PCDH15: variants seen among roughly 807,000 people sequenced by gnomAD.
PCDH15 encodes the protein protocadherin related 15, also known as protocadherin-15.
PCDH15 carries 129 observed loss-of-function variants against 178.5 expected under a neutral mutation model. The ratio of observed to expected loss-of-function variants is 0.72; its 90% CI spans 0.63 to 0.84. The LOEUF (loss-of-function observed/expected upper bound fraction) is 0.84, where lower values mean the gene tolerates loss of function less well. PCDH15 is among the 40% of genes least tolerant of loss of function. The pLI, the probability that PCDH15 is intolerant of heterozygous loss-of-function variation, is 0.00. For synonymous variants in PCDH15, 800 were observed against 732.0 expected (o/e 1.09, Z -1.50); for missense variants, 2,230 against 2,099.9 (o/e 1.06, Z -1.21).
At chr10:54,862,132 C>T (rs117917923) in intron 3 of PCDH15, among the ~76,000 whole-genome samples, 2,890 of 152,196 alleles carry the variant, frequency 0.019, 39 homozygotes, top group Non-Finnish European at 0.029. Flanking sequence ...CATAGTAATA[C>T]ATCTATATAC....
At chr10:54,268,592 G>T (rs539251274) in intron 8 of PCDH15, among the ~76,000 whole-genome samples, 1 of 151,986 alleles carries the variant, frequency 6.6e-6, no homozygotes, top group African/African-American at 2.4e-5. Flanking sequence ...AAGAAAGAAT[G>T]AAATCCTTTC....
intron 13 of PCDH15, among the ~76,000 whole-genome samples, chr10:54,176,624 T>C (rs1489853045): frequency 2.6e-5 from 4 of 152,184 alleles, no homozygotes; most frequent in Non-Finnish European, 4.4e-5. Flanking sequence ...TCCTTGACTG[T>C]ATGTGTGGAG....
At chr10:54,480,591 C>T (rs2078647065) in intron 3 of PCDH15, among the ~76,000 whole-genome samples, 1 of 152,010 alleles carries the variant, frequency 6.6e-6, no homozygotes, top group Admixed American at 6.6e-5. Flanking sequence ...CATTTGACAA[C>T]TATCAACCTT....
At chr10:55,356,815 T>C (rs1845092462) in intron 2 of PCDH15, among the ~76,000 whole-genome samples, 1 of 151,972 alleles carries the variant, frequency 6.6e-6, no homozygotes, top group African/African-American at 2.4e-5. Flanking sequence ...ATTACATCAT[T>C]TGTAGTAGAA....
At chr10:54,272,868 C>T (rs945898475) in intron 8 of PCDH15, among the ~76,000 whole-genome samples, 5 of 151,858 alleles carry the variant, frequency 3.3e-5, no homozygotes, top group East Asian at 1.9e-4. Context: ...AAAATGTTAA[C>T]GAAAAGTGTT....
intron 2 of PCDH15, among the ~76,000 whole-genome samples, chr10:55,140,271 A>C (rs1564831280): frequency 1.3e-5 from 2 of 151,946 alleles, no homozygotes; most frequent in Non-Finnish European, 1.5e-5. Context: ...GTTGCATGAA[A>C]GTATTAAAAG....
At chr10:54,913,557 G>A (rs929962829) in intron 2 of PCDH15, among the ~76,000 whole-genome samples, 1 of 152,222 alleles carries the variant, frequency 6.6e-6, no homozygotes, top group African/African-American at 2.4e-5. Flanking sequence ...CACACACAGA[G>A]TTCACATTGG....
At chr10:54,154,555 ACAT>A (rs2133354705) in intron 13 of PCDH15, among the ~76,000 whole-genome samples, 1 of 152,322 alleles carries the variant, frequency 6.6e-6, no homozygotes, top group African/African-American at 2.4e-5. Flanking sequence ...AATTTCAGAA[ACAT>A]CATATTAACT....
In PCDH15 at chr10:55,461,719, C is replaced by T. The variant is rs138295777; in HGVS notation, c.-156+165906G>A. ...TGGACACCATGGGAGGTAATGATAACCGAGGTTGTTAAATTTTTAACAGAA... is the reference window on the plus strand; with the variant it reads ...TGGACACCATGGGAGGTAATGATAATCGAGGTTGTTAAATTTTTAACAGAA... On this transcript the variant is annotated intron_variant, in intron 2 of 5. Transcript: ENST00000613346. 6.2e-3 allele frequency among the ~76,000 whole-genome samples: 947 copies of T among 152,052 alleles called. 10 individuals carry two copies. The highest frequency in any genetic ancestry group is 0.048 in the Middle Eastern group (14 of 290).
chr10:54,851,845 C>T, intron 3 of PCDH15, among the ~76,000 whole-genome samples: 1 of 152,098 alleles, frequency 6.6e-6, no homozygotes. Context: ...GCTGGGATTA[C>T]AAGTGTGAGC....
At chr10:55,098,909 A>AGAGAGAGAGAGAGAGAGAGAGAGAGAGT (rs1842511412) in intron 2 of PCDH15, among the ~76,000 whole-genome samples, 19 of 139,284 alleles carry the variant, frequency 1.4e-4, no homozygotes, top group Non-Finnish European at 3.0e-5. Context: ...AGAGAGAGAG[A>AGAGAGAGAGAGAGAGAGAGAGAGAGAGT]GAGAGAGAGA....
At chr10:54,827,272 A>G (rs1430011092) in intron 3 of PCDH15, among the ~76,000 whole-genome samples, 2 of 152,152 alleles carry the variant, frequency 1.3e-5, no homozygotes, top group Non-Finnish European at 2.9e-5. Context: ...TAGCCAGAAT[A>G]CAAATATATA....
At chr10:54,528,415 GTA>G (rs1364358560) in intron 2 of PCDH15, 5 of 1,570,972 alleles carry the variant, frequency 3.2e-6, no homozygotes, top group Non-Finnish European at 3.5e-6. Flanking sequence ...GGAGTCAAAA[GTA>G]TAGAGTCATC....
chr10:53,812,198 G>T (rs192353676), intron 35 of PCDH15, among the ~76,000 whole-genome samples: 2 of 151,976 alleles, frequency 1.3e-5, no homozygotes, highest in Non-Finnish European at 1.5e-5. Context: ...AAATTTAAGG[G>T]TTTTTTGTTT....
intron 16 of PCDH15, 140 bp downstream of exon 16, chr10:54,089,844 C>T: frequency 1.5e-6 from 1 of 683,790 alleles, no homozygotes; most frequent in Non-Finnish European, 2.6e-6. Context: ...ATTATCCTCC[C>T]AGCTACCATT....
intron 13 of PCDH15, among the ~76,000 whole-genome samples, chr10:54,167,961 C>T (rs1481574274): frequency 1.3e-5 from 2 of 151,352 alleles, no homozygotes; most frequent in South Asian, 2.1e-4. Flanking sequence ...GAACCCCTTC[C>T]CTCTGTTTCC....
At chr10:54,287,708 C>T (rs1043444231) in intron 8 of PCDH15, among the ~76,000 whole-genome samples, 4 of 152,136 alleles carry the variant, frequency 2.6e-5, no homozygotes, top group African/African-American at 9.7e-5. Context: ...AATATTCATG[C>T]AATTCTGACA....
At chr10:54,757,162 G>C (rs1031783814) in intron 1 of PCDH15, among the ~76,000 whole-genome samples, 1 of 152,108 alleles carries the variant, frequency 6.6e-6, no homozygotes, top group Admixed American at 6.5e-5. Context: ...TGTTCTATTA[G>C]CTGGGGACAA....
chr10:54,162,392 T>C (rs1367286765), intron 13 of PCDH15, among the ~76,000 whole-genome samples: 2 of 152,090 alleles, frequency 1.3e-5, no homozygotes, highest in South Asian at 4.1e-4. Context: ...GCCAGACCCA[T>C]GGAAGAAAAG....
Sources: gnomAD v4.1 joint callset for allele counts (sites outside exome capture counted in the v4.1 genomes callset) on GRCh38, gnomAD v4.1.1 for gene constraint, MANE v1.5 for transcripts, NCBI Gene and HGNC (gene_info 2026-07-23, HGNC 2026-07-21) for gene names.